Variants in SYT14 observed in about 807,000 individuals in gnomAD.
The protein encoded by SYT14 is synaptotagmin-14.
In SYT14, 32 loss-of-function variants were observed where a neutral mutation model predicts 74.2. The observed-to-expected ratio is 0.43, with a 90% CI of 0.33 to 0.58. The LOEUF (loss-of-function observed/expected upper bound fraction) is 0.58. Among genes scored for constraint, SYT14 ranks in the 20% least tolerant of loss-of-function variants. SYT14 has a pLI of 0.05. For missense variants in SYT14, 791 were observed against 981.8 expected, an observed-to-expected ratio of 0.81 and a Z score of 2.60; for synonymous variants, 298 against 337.7, an observed-to-expected ratio of 0.88 and a Z score of 1.29.
chr1:210,142,652 A>G (rs1343587139), intron 7 of SYT14, among the ~76,000 whole-genome samples: 1 of 152,134 alleles, frequency 6.6e-6, no homozygotes, highest in Non-Finnish European at 1.5e-5. Context: ...AAAAGATACA[A>G]GGCCAAAAGT....
At chr1:210,065,833 G>A (rs1347201933) in intron 5 of SYT14, among the ~76,000 whole-genome samples, 1 of 151,440 alleles carries the variant, frequency 6.6e-6, no homozygotes, top group East Asian at 2.0e-4. Flanking sequence ...CCATTAACTC[G>A]TCATTTAGCA....
chr1:210,071,812 TG>T (rs2081400058), intron 5 of SYT14, among the ~76,000 whole-genome samples: 1 of 152,042 alleles, frequency 6.6e-6, no homozygotes, highest in Non-Finnish European at 1.5e-5. Flanking sequence ...TTTGCAGTGA[TG>T]TTTTTATTAC....
At chr1:210,100,130 T>C in exon 7 of SYT14, 1 of 1,614,100 alleles carries the variant, frequency 6.2e-7, no homozygotes, top group Non-Finnish European at 8.5e-7. Context: ...CAGAAGCTTC[T>C]GGTAACAGTG....
At chr1:209,952,964 A>C in intron 2 of SYT14, 1 of 1,279,982 alleles carries the variant, frequency 7.8e-7, no homozygotes, top group Non-Finnish European at 1.1e-6. Context: ...TTTAGTTTTG[A>C]TGGGCTAATA....
At chr1:210,082,291 G>A (rs894681804) in intron 5 of SYT14, among the ~76,000 whole-genome samples, 3 of 151,962 alleles carry the variant, frequency 2.0e-5, no homozygotes, top group Non-Finnish European at 2.9e-5. Context: ...TCCATACATC[G>A]AGCCAAACCA....
intron 7 of SYT14, among the ~76,000 whole-genome samples, chr1:210,131,540 A>G (rs1251418864): frequency 6.6e-6 from 1 of 151,352 alleles, no homozygotes; most frequent in Admixed American, 6.6e-5. Context: ...ATTTTTTATC[A>G]TTATTTATAT....
intron 1 of SYT14, among the ~76,000 whole-genome samples, chr1:209,952,492 G>A (rs1332159377): frequency 6.6e-6 from 1 of 152,152 alleles, no homozygotes; most frequent in African/African-American, 2.4e-5. Context: ...CTTGAATGAA[G>A]TGTCTTCATT....
chr1:210,073,324 C>T (rs1235773661), intron 5 of SYT14, among the ~76,000 whole-genome samples: 2 of 151,988 alleles, frequency 1.3e-5, no homozygotes, highest in Non-Finnish European at 2.9e-5. Flanking sequence ...AGCTGAATTA[C>T]AAAGGTCTAT....
intron 2 of SYT14, among the ~76,000 whole-genome samples, chr1:209,963,871 T>G (rs1314214339): frequency 1.3e-5 from 2 of 152,224 alleles, no homozygotes; most frequent in East Asian, 3.8e-4. Flanking sequence ...TGTAATTTAT[T>G]TCAGTCAGAG....
chr1:210,130,310 G>GA (rs2082647883), intron 7 of SYT14, among the ~76,000 whole-genome samples: 3 of 151,434 alleles, frequency 2.0e-5, no homozygotes, highest in South Asian at 4.2e-4. Context: ...TTTGAGAGCA[G>GA]AAAAAAACAA....
chr1:209,943,508 CAAAAAAAAAAAAAAAAAAAAA>C (rs58806792), intron 1 of SYT14, among the ~76,000 whole-genome samples: 2 of 59,308 alleles, frequency 3.4e-5, no homozygotes, highest in Admixed American at 2.9e-4. Context: ...GATTCAATCT[CAAAAAAAAAAAAAAAAAAAAA>C]AAAAAAAAGA....
At chr1:210,169,510 TAA>T (rs2083499706) in exon 10 of SYT14, 1 of 152,040 alleles carries the variant, frequency 6.6e-6, no homozygotes, top group Non-Finnish European at 1.5e-5. Flanking sequence ...AATATTACTT[TAA>T]GTTTATCAAG....
intron 2 of SYT14, 133 bp downstream of exon 2, chr1:209,952,889 C>T: frequency 9.3e-7 from 1 of 1,078,450 alleles, no homozygotes; most frequent in Non-Finnish European, 1.4e-6. Flanking sequence ...ATTTGTCTTA[C>T]AGACTTAAGC....
At chr1:210,083,894 G>A (rs1036106816) in intron 5 of SYT14, among the ~76,000 whole-genome samples, 7 of 149,240 alleles carry the variant, frequency 4.7e-5, no homozygotes, top group African/African-American at 1.2e-4. Context: ...TTGTAGAGAC[G>A]GAGTCTCACT....
intron 7 of SYT14, among the ~76,000 whole-genome samples, chr1:210,109,484 A>T (rs184501496): frequency 2.0e-5 from 3 of 151,092 alleles, no homozygotes; most frequent in Non-Finnish European, 2.9e-5. Flanking sequence ...ACGCTGAGGC[A>T]GGGGAATCAC....
intron 5 of SYT14, among the ~76,000 whole-genome samples, chr1:210,046,968 A>G (rs959506900): frequency 1.3e-5 from 2 of 152,186 alleles, no homozygotes; most frequent in Non-Finnish European, 2.9e-5. Context: ...TTATATTAAC[A>G]TCATATAGCT....
At chr1:210,052,741 T>C (rs1049521396) in intron 5 of SYT14, among the ~76,000 whole-genome samples, 3 of 148,128 alleles carry the variant, frequency 2.0e-5, no homozygotes, top group African/African-American at 7.6e-5. Flanking sequence ...TATTAAAGAG[T>C]TGACAGGCAG....
intron 2 of SYT14, among the ~76,000 whole-genome samples, chr1:209,963,345 C>T (rs1452175714): frequency 6.6e-6 from 1 of 152,058 alleles, no homozygotes; most frequent in Non-Finnish European, 1.5e-5. Flanking sequence ...ACAAAATGTC[C>T]CATTGCCAAT....
intron 5 of SYT14, among the ~76,000 whole-genome samples, chr1:210,055,654 A>C (rs546312544): frequency 2.7e-5 from 4 of 146,036 alleles, no homozygotes; most frequent in Admixed American, 6.8e-5. Context: ...GCATCTCTAC[A>C]AAAAAAAAAA....
Sources: gnomAD v4.1 joint callset for allele counts (sites outside exome capture counted in the v4.1 genomes callset) on GRCh38, gnomAD v4.1.1 for gene constraint, MANE v1.5 for transcripts, NCBI Gene and HGNC (gene_info 2026-07-23, HGNC 2026-07-21) for gene names.